FKBP15: variants seen among roughly 807,000 people sequenced by gnomAD.
The protein encoded by FKBP15 is FKBP prolyl isomerase family member 15.
A neutral mutation model predicts 158.1 loss-of-function variants in FKBP15; 106 were observed. The ratio of observed to expected loss-of-function variants is 0.67; its 90% CI spans 0.57 to 0.79. FKBP15 has a LOEUF of 0.79. Ranked by LOEUF, FKBP15 falls within the 30% of genes least tolerant of loss-of-function variation. The pLI, the probability that FKBP15 is intolerant of heterozygous loss-of-function variation, is 0.00. For synonymous variants in FKBP15, 547 were observed against 548.6 expected, an observed-to-expected ratio of 1.00 and a Z score of 0.04; for missense variants, 1,287 against 1,479.1, an observed-to-expected ratio of 0.87 and a Z score of 2.13.
chr9:113,216,874 C>A (rs1338091257), intron 1 of FKBP15, among the ~76,000 whole-genome samples: 1 of 151,696 alleles, frequency 6.6e-6, no homozygotes, highest in African/African-American at 2.4e-5. Flanking sequence ...GCCAGGTCAA[C>A]CTAATTAGTT....
In FKBP15 at chr9:113,208,988, C is replaced by CA. The variant is rs1158372288; in HGVS notation, c.170-1693dup. Among the ~76,000 whole-genome samples the CA allele has an allele frequency of 2.4e-5, 3 of 124,312 alleles. No homozygotes were observed. In the South Asian group the frequency reaches 7.4e-4, roughly 31 times the overall value. 81.6% of individuals were successfully genotyped at this position (124,312 alleles called of 152,430 possible). On this transcript the variant is annotated intron_variant, in intron 2 of 27. Transcript: ENST00000238256. Reference sequence around the variant, plus strand: ...TGCCACCGCACTCCAGCCTGGGTGACAGAGCGAGACTCCATCTCAAAAAAA... The same window carrying CA: ...TGCCACCGCACTCCAGCCTGGGTGACAAGAGCGAGACTCCATCTCAAAAAAA...
intron 1 of FKBP15, 77 bp from the exon 2 acceptor site, chr9:113,211,669 C>A: frequency 2.0e-6 from 2 of 978,272 alleles, no homozygotes; most frequent in South Asian, 1.5e-5. Context: ...TGCTCATCTC[C>A]AACCTTGAAC....
At chr9:113,202,444 T>TTATGGGTTTTC in intron 6 of FKBP15, 87 bp downstream of exon 6, 1 of 1,010,040 alleles carries the variant, frequency 9.9e-7, no homozygotes, top group Non-Finnish European at 1.5e-6. Context: ...ACACAGCAGA[T>TTATGGGTTTTC]TATGGGTTTT....
rs767663853 is a variant in FKBP15, at chr9:113,170,562, T to C, written c.2726A>G (p.Asn909Ser). The change falls in exon 25 of 28, where the codon AAT (asparagine) becomes AGT (serine). Residue 909 changes from asparagine (N) to serine (S), a missense_variant. By Grantham distance (46) the Asn-to-Ser change is conservative (BLOSUM62 1). Coordinates refer to ENST00000238256, the MANE Select transcript of FKBP15 (RefSeq NM_015258.2). The part of the protein sequence containing the change: ...RREFELEESY[N>S]GRTILGTIMN... The stretch of plus-strand genomic sequence containing the variant: ...GATGGTTCCCAGAATGGTCCTGCCA[T>C]TGTAAGATTCCTCCAGCTCAAACTC... 1 of 1,613,894 alleles carries C rather than the reference T, an allele frequency of 6.2e-7. No individual in the cohort carries two copies. Among genetic ancestry groups the C allele is most frequent in the Non-Finnish European group, 8.5e-7 (1 of 1,179,788 alleles).
At chr9:113,180,279 G>T (rs117718846) in intron 19 of FKBP15, among the ~76,000 whole-genome samples, 3,568 of 151,912 alleles carry the variant, frequency 0.023, 55 homozygotes, top group Non-Finnish European at 0.032. Flanking sequence ...AGAAAATAAG[G>T]GAATGGATAA....
chr9:113,172,740 A>G (rs964937487), intron 23 of FKBP15, among the ~76,000 whole-genome samples: 6 of 152,222 alleles, frequency 3.9e-5, no homozygotes, highest in African/African-American at 1.4e-4. Context: ...ATAAACATTC[A>G]GCATTAACAG....
At position 113,162,946 on chromosome 9, in the gene FKBP15, T is replaced by TG; in HGVS notation, c.*3131dup. 3 of 1,549,710 alleles carry TG rather than the reference T, an allele frequency of 1.9e-6. No individual in the cohort carries two copies. The highest frequency in any genetic ancestry group is 2.6e-6 in the Non-Finnish European group (3 of 1,146,906). The stretch of plus-strand genomic sequence containing the variant: ...GTGAGGAACGTGCAGGCACTGAGGC[T>TG]GGAGGGACATGGAGCCCCCTCTTCC... On this transcript the variant is annotated 3_prime_UTR_variant, in exon 28 of 28. Transcript: ENST00000238256.
intron 4 of FKBP15, among the ~76,000 whole-genome samples, chr9:113,205,484 G>C (rs1156685141): frequency 6.6e-6 from 1 of 152,136 alleles, no homozygotes; most frequent in Non-Finnish European, 1.5e-5. Flanking sequence ...ACACCTACTA[G>C]AATGGCAAGA....
chr9:113,168,976 A>ACGACACTACCACAGTGCCCG, intron 26 of FKBP15, among the ~76,000 whole-genome samples: 1 of 59,106 alleles, frequency 1.7e-5, no homozygotes, highest in African/African-American at 5.8e-5. Context: ...CACAGGGCCC[A>ACGACACTACCACAGTGCCCG]CCACACTACC....
Position 113,186,314 on chromosome 9 carries a change from G to T in FKBP15, c.1433C>A (p.Thr478Asn), listed in dbSNP as rs1830484998. Reference protein sequence around the residue: ...AYAYPQASAVTSQLQPVRPLY... With the variant: ...AYAYPQASAVNSQLQPVRPLY... ...AGGCCGAACGGGCTGCAGCTGGGAG[G>T]TGACGGCAGATGCCTGGGGATAAGC... Residue 478 changes from threonine (T) to asparagine (N), a missense_variant, in exon 15 of 28, where the codon ACC becomes AAC. Physicochemically the swap from Thr to Asn is moderately conservative, Grantham distance 65 (BLOSUM62 0). Transcript: ENST00000238256. 2 of 1,571,036 alleles carry T rather than the reference G, an allele frequency of 1.3e-6. No homozygotes were observed. Among genetic ancestry groups the T allele is most frequent in the African/African-American group, 2.7e-5 (2 of 74,002 alleles).
Position 113,194,781 on chromosome 9 carries a change from T to G in FKBP15, c.865-612A>C, listed in dbSNP as rs139325002. 2.0e-5 allele frequency among the ~76,000 whole-genome samples: 3 copies of G among 152,342 alleles called. No individual in the cohort carries two copies. The East Asian group carries it at 5.8e-4, about 29-fold the overall frequency. ...TTAACTACTGAAGAGTATATTTAAC[T>G]TCAAGGGTCAGCCCTTCACTGTTAT... is the stretch of plus-strand genomic sequence containing the variant. On this transcript the variant is annotated intron_variant, in intron 9 of 27. Coordinates refer to ENST00000238256, the MANE Select transcript of FKBP15 (RefSeq NM_015258.2).
intron 1 of FKBP15, among the ~76,000 whole-genome samples, chr9:113,219,178 A>T (rs1193592651): frequency 1.3e-5 from 2 of 152,294 alleles, no homozygotes; most frequent in East Asian, 3.9e-4. Context: ...CCTGATTACT[A>T]CTTCTAGATT....
At chr9:113,168,996 G>A (rs1354372282) in intron 26 of FKBP15, among the ~76,000 whole-genome samples, 2 of 148,856 alleles carry the variant, frequency 1.3e-5, no homozygotes, top group African/African-American at 2.6e-5. Flanking sequence ...CACAGTGCCC[G>A]CCACACTACC....
rs1830025619 is a variant in FKBP15 at position 113,162,280 on chromosome 9, T to C, written c.*3798A>G. 4.3e-6 allele frequency: 1 copy of C among 234,690 alleles called. No homozygotes were observed. The highest frequency in any genetic ancestry group is 5.5e-5 in the Admixed American group (1 of 18,324). The allele number at this position is 234,690 out of a possible 1,614,324, so 14.5% of individuals were successfully genotyped here. A position where few individuals can be genotyped will look rare whatever the true frequency, so the allele number is the denominator to read the frequency against. On this transcript the variant is annotated 3_prime_UTR_variant, in exon 28 of 28. Coordinates refer to ENST00000238256, the MANE Select transcript of FKBP15 (RefSeq NM_015258.2). ...CAAGGGAAGTATTCTCATTCCTGTT[T>C]TACTGATAAGGAATCTTACGTTCAG...
chr9:113,166,564 T>A (rs1030181760), intron 27 of FKBP15, among the ~76,000 whole-genome samples: 3 of 151,594 alleles, frequency 2.0e-5, no homozygotes, highest in African/African-American at 7.3e-5. Flanking sequence ...AGAAGGGAGG[T>A]TGGGAAGAAG....
Position 113,171,491 on chromosome 9 carries a change from G to T in FKBP15, c.2658+90C>A, listed in dbSNP as rs1830207435. Reference sequence around the variant, plus strand: ...GACAAGTAAAACATCACTAAAGTTAGAAAAAGAGCTATTAACACAACATAC... The same window carrying T: ...GACAAGTAAAACATCACTAAAGTTATAAAAAGAGCTATTAACACAACATAC... On this transcript the variant is annotated intron_variant, in intron 24 of 27. Transcript: ENST00000238256. The T allele has an allele frequency of 2.1e-6, 3 of 1,439,090 alleles. No homozygotes were observed. In the East Asian group the frequency reaches 7.4e-5, roughly 35 times the overall value. 89.1% of individuals were successfully genotyped at this position (1,439,090 alleles called of 1,614,324 possible).
Position 113,166,113 on chromosome 9 carries a change from C to T in FKBP15, c.3625G>A (p.Asp1209Asn). The change falls in exon 28 of 28, where the codon GAT becomes AAT. Residue 1209 changes from aspartate (D) to asparagine (N), a missense_variant. Coordinates refer to ENST00000238256, the MANE Select transcript of FKBP15 (RefSeq NM_015258.2). ...CAGTCAATGTCATCGTCATCATCAT[C>T]ATCTCCAAAAAGGGGCGTTGGGGGC... is the stretch of plus-strand genomic sequence containing the variant. ...RPPPTPLFGD[D>N]DDDDDIDWLG The T allele has an allele frequency of 6.2e-7, 1 of 1,613,736 alleles. No homozygotes were observed. Among genetic ancestry groups the T allele is most frequent in the Non-Finnish European group, 8.5e-7 (1 of 1,179,802 alleles).
chr9:113,169,640 AC>A lies in FKBP15; in HGVS notation c.3068del (p.Gly1023ValfsTer16). The A allele has an allele frequency of 6.2e-7, 1 of 1,613,934 alleles. No homozygotes were observed. The highest frequency in any genetic ancestry group is 8.5e-7 in the Non-Finnish European group (1 of 1,179,880). On this transcript the variant is annotated frameshift_variant, in exon 26 of 28. Transcript: ENST00000238256. LOFTEE classifies it high-confidence loss of function. The stretch of plus-strand genomic sequence containing the variant: ...TGCAAGACAGTTCGGGTGGAAGGGA[AC>A]CATCTTTTATCTCTGAGAGTGCCTC... ...EAEALSEIKDGSLPPELSCIP... is the reference protein window; with the variant it reads ...EAEALSEIKDXSLPPELSCIP...
chr9:113,180,823 G>A (rs968916452), intron 19 of FKBP15, among the ~76,000 whole-genome samples: 3 of 150,764 alleles, frequency 2.0e-5, no homozygotes, highest in African/African-American at 7.5e-5. Context: ...ACGATTTTTT[G>A]TGGTACTATT....
Sources: gnomAD v4.1 joint callset for allele counts (sites outside exome capture counted in the v4.1 genomes callset) on GRCh38, gnomAD v4.1.1 for gene constraint, MANE v1.5 for transcripts, NCBI Gene and HGNC (gene_info 2026-07-23, HGNC 2026-07-21) for gene names.